The following NSD2 variants were observed in gnomAD, a reference collection of about 807,000 sequenced individuals.
NSD2 encodes nuclear receptor binding SET domain protein 2.
In NSD2, 12 loss-of-function variants were observed where a neutral mutation model predicts 139.0. The observed-to-expected ratio is 0.09, with a 90% CI of 0.06 to 0.14. NSD2 has a LOEUF of 0.14. Among genes scored for constraint, NSD2 ranks in the 10% least tolerant of loss-of-function variants. NSD2 has a pLI of 1.00. For synonymous variants in NSD2, 669 were observed against 648.7 expected (o/e 1.03, Z -0.48); for missense variants, 1,155 against 1,745.0 (o/e 0.66, Z 6.02).
At chr4:1,892,010 C>G (rs1715611614) in intron 1 of NSD2, among the ~76,000 whole-genome samples, 1 of 152,146 alleles carries the variant, frequency 6.6e-6, no homozygotes, top group South Asian at 2.1e-4. Context: ...CCTAGCATAT[C>G]TACTCTTCCT....
chr4:1,939,609 A>T, intron 8 of NSD2, 45 bp from the exon 9 acceptor site: 1 of 1,588,238 alleles, frequency 6.3e-7, no homozygotes, highest in Non-Finnish European at 8.6e-7. Context: ...TAAAAAGATC[A>T]AGGGTTTATG....
chr4:1,942,777 A>G lies in NSD2; in HGVS notation c.1881+2999A>G. The G allele has an allele frequency of 5.5e-6, 6 of 1,082,452 alleles. No individual in the cohort carries two copies. The highest frequency in any genetic ancestry group is 6.7e-6 in the Non-Finnish European group (6 of 889,016). 67.1% of individuals were successfully genotyped at this position (1,082,452 alleles called of 1,614,324 possible). A position where few individuals can be genotyped will look rare whatever the true frequency, so the allele number is the denominator to read the frequency against. On this transcript the variant is annotated intron_variant, in intron 9 of 21. Coordinates refer to ENST00000508803, the MANE Select transcript of NSD2 (RefSeq NM_001042424.3). This position sits in a 1 kb window ranked among gnomAD's most constrained non-coding sequence, Gnocchi z 4.0. ...GTAACTTACTGGACTTTTGTGGAAA[A>G]TATCAGCGTCGCTACCCTCAGAAAC... is the stretch of plus-strand genomic sequence containing the variant.
chr4:1,877,945 C>T (rs965479931), intron 1 of NSD2, among the ~76,000 whole-genome samples: 3 of 152,096 alleles, frequency 2.0e-5, no homozygotes, highest in Non-Finnish European at 2.9e-5. Context: ...GAGAGGATCA[C>T]TCCAGCCCAG....
chr4:1,939,931 T>C (rs1449190316), intron 9 of NSD2, 153 bp downstream of exon 9: 1 of 1,498,520 alleles, frequency 6.7e-7, no homozygotes, highest in Non-Finnish European at 8.9e-7. Flanking sequence ...TAACTCAGAT[T>C]CATGAAATGG....
chr4:1,873,270 C>T (rs938542045), intron 1 of NSD2, among the ~76,000 whole-genome samples: 1 of 152,156 alleles, frequency 6.6e-6, no homozygotes, highest in Non-Finnish European at 1.5e-5. Flanking sequence ...GCATTAATAC[C>T]AGAGTCTGGC....
intron 3 of NSD2, among the ~76,000 whole-genome samples, chr4:1,910,106 A>C (rs1477171168): frequency 6.6e-6 from 1 of 151,932 alleles, no homozygotes; most frequent in East Asian, 1.9e-4. Context: ...TTGGAAATCA[A>C]AATTTCCTTT....
intron 5 of NSD2, chr4:1,919,261 ACT>A (rs1445100990): frequency 6.6e-6 from 1 of 151,160 alleles, no homozygotes; most frequent in Non-Finnish European, 1.5e-5. Context: ...TTAACGTGTG[ACT>A]CCAGGTTAGC....
intron 9 of NSD2, among the ~76,000 whole-genome samples, chr4:1,950,324 A>G (rs535082072): frequency 7.9e-5 from 12 of 152,230 alleles, no homozygotes; most frequent in South Asian, 6.2e-4. Context: ...GAGCAATTCC[A>G]CTCGCTCAGG....
At chr4:1,920,362 A>C (rs1297295534) in intron 5 of NSD2, among the ~76,000 whole-genome samples, 1 of 152,048 alleles carries the variant, frequency 6.6e-6, no homozygotes, top group Non-Finnish European at 1.5e-5. Flanking sequence ...AGGCAGGAGA[A>C]TCACTTGAAC....
intron 7 of NSD2, 86 bp downstream of exon 7, chr4:1,935,348 A>C (rs932655632): frequency 2.0e-6 from 2 of 1,016,716 alleles, no homozygotes; most frequent in African/African-American, 1.6e-5. Context: ...GGGAGCACAC[A>C]TGAGATGCAG....
rs1719667958 is a variant in NSD2 at position 1,918,252 on chromosome 4, C to G, written c.1039C>G (p.Leu347Val). Residue 347 changes from leucine to valine, a missense_variant, in exon 5 of 22, where the codon CTC (leucine) becomes GTC (valine). Around this residue, in one of 8 missense-constraint regions of NSD2, gnomAD observed 420 missense variants for 469.0 expected, o/e 0.90. Coordinates refer to ENST00000508803, the MANE Select transcript of NSD2 (RefSeq NM_001042424.3). ...VEERKAKFTFLYVGDQLHLNP... is the reference protein window; with the variant it reads ...VEERKAKFTFVYVGDQLHLNP... Reference sequence around the variant, plus strand: ...GGAGCGGAAAGCCAAGTTCACCTTTCTCTATGTGGGGGACCAGCTTCATCT... The same window carrying G: ...GGAGCGGAAAGCCAAGTTCACCTTTGTCTATGTGGGGGACCAGCTTCATCT... 6.2e-7 allele frequency: 1 copy of G among 1,613,764 alleles called. No individual in the cohort carries two copies. Among genetic ancestry groups the G allele is most frequent in the Admixed American group, 1.7e-5 (1 of 59,950 alleles).
intron 9 of NSD2, chr4:1,945,963 T>C: frequency 6.7e-6 from 7 of 1,051,642 alleles, no homozygotes; most frequent in Admixed American, 5.5e-5. Context: ...CAAAGCTTCC[T>C]CTGGCCAGGT....
At chr4:1,930,457 A>C (rs983521298) in intron 5 of NSD2, among the ~76,000 whole-genome samples, 169 bp from the exon 6 acceptor site, 29 of 152,240 alleles carry the variant, frequency 1.9e-4, no homozygotes, top group Non-Finnish European at 3.5e-4. Context: ...TCACAGCATC[A>C]GTTAAGCACT....
intron 1 of NSD2, among the ~76,000 whole-genome samples, chr4:1,877,260 T>C (rs1714329233): frequency 6.6e-6 from 1 of 152,224 alleles, no homozygotes; most frequent in Non-Finnish European, 1.5e-5. Context: ...CAGAAAGCAT[T>C]TTTCCGACTC....
At chr4:1,939,215 G>A (rs80171018) in intron 8 of NSD2, 1 of 158,126 alleles carries the variant, frequency 6.3e-6, no homozygotes, top group Non-Finnish European at 1.4e-5. Flanking sequence ...AAAAAAAAAA[G>A]ACATGAGCAA....
chr4:1,972,534 G>C lies in NSD2; in HGVS notation c.3373-2329G>C, dbSNP rs965858906. ...TCCCCATGGCATTCCTGTGACTCCAGCGGGGCCCAAACCCAGGCGGATGGC... is the reference window on the plus strand; with the variant it reads ...TCCCCATGGCATTCCTGTGACTCCACCGGGGCCCAAACCCAGGCGGATGGC... On this transcript the variant is annotated intron_variant, in intron 18 of 21. Transcript: ENST00000508803. The surrounding 1 kb of genome is among the most constrained non-coding windows in gnomAD (Gnocchi z 4.0). Among the ~76,000 whole-genome samples, 2 of 152,224 alleles carry C rather than the reference G, an allele frequency of 1.3e-5. No homozygotes were observed. Among genetic ancestry groups the C allele is most frequent in the African/African-American group, 4.8e-5 (2 of 41,450 alleles).
intron 18 of NSD2, among the ~76,000 whole-genome samples, chr4:1,969,541 TAAAAAA>T (rs35256815): frequency 6.0e-5 from 8 of 132,616 alleles, no homozygotes; most frequent in Non-Finnish European, 1.3e-4. Context: ...TTGTCTCTAC[TAAAAAA>T]AAAAAAAAAA....
intron 21 of NSD2, 62 bp from the exon 22 acceptor site, chr4:1,978,576 C>G: frequency 6.5e-7 from 1 of 1,543,506 alleles, no homozygotes; most frequent in South Asian, 1.3e-5. Flanking sequence ...TCTTCAACCA[C>G]GATAATGTTG....
rs1727745747 is a variant in NSD2 at position 1,981,350 on chromosome 4, T to C, written c.*2441T>C. On this transcript the variant is annotated 3_prime_UTR_variant, in exon 22 of 22. Coordinates refer to ENST00000508803, the MANE Select transcript of NSD2 (RefSeq NM_001042424.3). Reference sequence around the variant, plus strand: ...CACTGGGGCTGACCACGCCCCCAGCTGTGACCGTGGGTGTGGCTGGCTCTC... The same window carrying C: ...CACTGGGGCTGACCACGCCCCCAGCCGTGACCGTGGGTGTGGCTGGCTCTC... 4.3e-6 allele frequency: 1 copy of C among 233,456 alleles called. No homozygotes were observed. The highest frequency in any genetic ancestry group is 8.5e-6 in the Non-Finnish European group (1 of 118,162). 14.5% of individuals were successfully genotyped at this position (233,456 alleles called of 1,614,324 possible). A position where few individuals can be genotyped will look rare whatever the true frequency, so the allele number is the denominator to read the frequency against.
Sources: allele counts gnomAD v4.1 joint callset (sites outside exome capture counted in the v4.1 genomes callset), GRCh38; gene constraint gnomAD v4.1.1; regional missense constraint gnomAD v4.1.1; non-coding constraint Gnocchi (gnomAD v3.1); transcripts MANE v1.5; gene names NCBI Gene and HGNC (gene_info 2026-07-23, HGNC 2026-07-21).